Variants in PRIM2 observed in about 807,000 individuals in gnomAD.
PRIM2 encodes the protein DNA primase subunit 2.
Under a neutral mutation model 67.3 loss-of-function variants are expected in PRIM2, and 39 were observed. That is an observed-to-expected ratio of 0.58 (90% CI 0.45 to 0.76). PRIM2 has a LOEUF of 0.76. PRIM2 is among the 30% of genes least tolerant of loss of function. PRIM2 has a pLI of 0.00. For synonymous variants in PRIM2, 143 were observed against 198.7 expected (o/e 0.72, Z 2.36); for missense variants, 398 against 598.7 (o/e 0.66, Z 3.50).
chr6:57,321,875 A>T (rs1330560455), intron 3 of PRIM2, among the ~76,000 whole-genome samples: 3 of 152,174 alleles, frequency 2.0e-5, no homozygotes, highest in Non-Finnish European at 2.9e-5. Context: ...AAGATGGTAA[A>T]TGGTGGAGCC....
At chr6:57,445,193 G>A (rs531647866) in intron 7 of PRIM2, among the ~76,000 whole-genome samples, 7 of 152,250 alleles carry the variant, frequency 4.6e-5, no homozygotes, top group East Asian at 1.9e-4. Flanking sequence ...CAACATTCTC[G>A]TATAATCATG....
intron 10 of PRIM2, among the ~76,000 whole-genome samples, chr6:57,600,347 T>C (rs1776441676): frequency 6.7e-6 from 1 of 149,322 alleles, no homozygotes; most frequent in African/African-American, 2.4e-5. Context: ...ATTATTATTA[T>C]TATTATTATT....
chr6:57,396,554 G>T (rs1359792868), intron 7 of PRIM2, among the ~76,000 whole-genome samples: 2 of 152,084 alleles, frequency 1.3e-5, no homozygotes, highest in African/African-American at 4.8e-5. Flanking sequence ...TATGTGTTAG[G>T]TGAGTCTCTT....
chr6:57,314,207 C>T (rs533142981), upstream of PRIM2, among the ~76,000 whole-genome samples: 2 of 152,164 alleles, frequency 1.3e-5, no homozygotes, highest in African/African-American at 4.8e-5. Flanking sequence ...TCATATGTCT[C>T]TCACAGTATT....
At position 57,418,395 on chromosome 6, in the gene PRIM2, T is replaced by TGG. The variant is rs1353693352; in HGVS notation, c.693+36227_693+36228insGG. On this transcript the variant is annotated intron_variant, in intron 7 of 13. Coordinates refer to ENST00000615550, the MANE Select transcript of PRIM2 (RefSeq NM_000947.5). ...TCCTATGTGTGTGGTTTTTTTTTTT[T>TGG]TTTTTTTTTTTTTTTTTTTTTTAAC... is the stretch of plus-strand genomic sequence containing the variant. Among the ~76,000 whole-genome samples the TGG allele has an allele frequency of 5.3e-4, 62 of 116,114 alleles. 3 individuals are homozygous for TGG. The highest frequency in any genetic ancestry group is 2.4e-4 in the Non-Finnish European group (14 of 57,358). 76.2% of individuals were successfully genotyped at this position (116,114 alleles called of 152,430 possible).
intron 12 of PRIM2, among the ~76,000 whole-genome samples, chr6:57,609,118 T>C (rs1178718306): frequency 1.3e-5 from 2 of 152,064 alleles, no homozygotes; most frequent in African/African-American, 4.8e-5. Context: ...GTTGGAAGAG[T>C]GAATGGGCAT....
At chr6:57,379,190 A>G (rs1319184159) in intron 5 of PRIM2, among the ~76,000 whole-genome samples, 3 of 115,116 alleles carry the variant, frequency 2.6e-5, no homozygotes, top group African/African-American at 6.8e-5. Flanking sequence ...TTTTACTTAT[A>G]TAACTATTGG....
intron 5 of PRIM2, among the ~76,000 whole-genome samples, chr6:57,373,873 G>GT (rs1490240846): frequency 6.6e-6 from 1 of 152,032 alleles, no homozygotes; most frequent in Admixed American, 6.6e-5. Flanking sequence ...TTGAAATAGG[G>GT]TAGTGTGATG....
chr6:57,354,336 C>T (rs1312189437), intron 5 of PRIM2, among the ~76,000 whole-genome samples: 1 of 152,102 alleles, frequency 6.6e-6, no homozygotes, highest in Non-Finnish European at 1.5e-5. Flanking sequence ...AAGTATTTTT[C>T]TTCTGAGTAT....
chr6:57,614,385 TG>T (rs1293005897), intron 12 of PRIM2, among the ~76,000 whole-genome samples: 1 of 151,958 alleles, frequency 6.6e-6, no homozygotes, highest in African/African-American at 2.4e-5. Flanking sequence ...TTTGAAAAAA[TG>T]GTCTGAAGTA....
In PRIM2 at chr6:57,431,854, C is replaced by A. The variant is rs541204215; in HGVS notation, c.693+49686C>A. ...CTAATGAAGATAACATTGTTTCATTCTTATGAGATTCCTGTGTATGTGTGT... is the reference window on the plus strand; with the variant it reads ...CTAATGAAGATAACATTGTTTCATTATTATGAGATTCCTGTGTATGTGTGT... On this transcript the variant is annotated intron_variant, in intron 7 of 13. Transcript: ENST00000615550. Among the ~76,000 whole-genome samples the A allele has an allele frequency of 6.4e-4, 98 of 152,116 alleles. 1 individual carries two copies. The highest frequency in any genetic ancestry group is 6.8e-3 in the Middle Eastern group (2 of 294).
At chr6:57,334,360 T>A (rs2127284573) in intron 5 of PRIM2, among the ~76,000 whole-genome samples, 1 of 152,370 alleles carries the variant, frequency 6.6e-6, no homozygotes, top group Admixed American at 6.5e-5. Context: ...TGAATAGTGC[T>A]GCAGTAAATA....
chr6:57,264,359 G>A, the PRIM2 span, among the ~76,000 whole-genome samples: 15 of 152,156 alleles, frequency 9.9e-5, no homozygotes, highest in East Asian at 1.9e-4. Flanking sequence ...ACTGGTTGTC[G>A]TCGGGGGAGT....
intron 5 of PRIM2, among the ~76,000 whole-genome samples, chr6:57,339,170 G>C (rs1305397282): frequency 1.3e-5 from 2 of 152,034 alleles, no homozygotes; most frequent in African/African-American, 2.4e-5. Context: ...ACCTCTTCAA[G>C]GAGAACTACA....
chr6:57,254,142 C>G, the PRIM2 span, among the ~76,000 whole-genome samples: 1 of 152,200 alleles, frequency 6.6e-6, no homozygotes, highest in Non-Finnish European at 1.5e-5. Context: ...AATTTCATTT[C>G]TAACAAGTTC....
At chr6:57,386,409 C>A (rs1770150131) in intron 7 of PRIM2, among the ~76,000 whole-genome samples, 2 of 126,944 alleles carry the variant, frequency 1.6e-5, no homozygotes, top group African/African-American at 3.5e-5. Flanking sequence ...CAGAGTGATA[C>A]CCTGTCTCAA....
intron 12 of PRIM2, among the ~76,000 whole-genome samples, chr6:57,608,935 T>C (rs1238346840): frequency 1.3e-5 from 2 of 152,298 alleles, no homozygotes; most frequent in Non-Finnish European, 2.9e-5. Context: ...ATACCATGAC[T>C]CGATTGTACA....
chr6:57,402,406 A>T (rs1057116237), intron 7 of PRIM2, among the ~76,000 whole-genome samples: 12 of 152,190 alleles, frequency 7.9e-5, no homozygotes, highest in African/African-American at 2.9e-4. Flanking sequence ...CCTGGTCCTC[A>T]AGAACTCTCT....
At chr6:57,471,963 G>A (rs1283451971) in intron 7 of PRIM2, among the ~76,000 whole-genome samples, 1 of 152,180 alleles carries the variant, frequency 6.6e-6, no homozygotes, top group South Asian at 2.1e-4. Flanking sequence ...ATTTATTGTG[G>A]AGCCCTTGTT....
Sources: gnomAD v4.1 joint callset for allele counts (sites outside exome capture counted in the v4.1 genomes callset) on GRCh38, gnomAD v4.1.1 for gene constraint, MANE v1.5 for transcripts, NCBI Gene and HGNC (gene_info 2026-07-23, HGNC 2026-07-21) for gene names.